GPC6: variants seen among roughly 807,000 people sequenced by gnomAD.
GPC6 encodes the protein glypican 6.
Under a neutral mutation model 55.2 loss-of-function variants are expected in GPC6, and 14 were observed. The ratio of observed to expected loss-of-function variants is 0.25; its 90% CI spans 0.17 to 0.40. The LOEUF is 0.40. GPC6 is among the 10% of genes least tolerant of loss of function. The pLI, the probability that GPC6 is intolerant of heterozygous loss-of-function variation, is 1.00. For synonymous variants in GPC6, 278 were observed against 259.6 expected, an observed-to-expected ratio of 1.07 and a Z score of -0.68; for missense variants, 641 against 708.5, an observed-to-expected ratio of 0.90 and a Z score of 1.08.
At chr13:93,445,897 C>G (rs558556656) in intron 1 of GPC6, among the ~76,000 whole-genome samples, 1 of 152,068 alleles carries the variant, frequency 6.6e-6, no homozygotes, top group Admixed American at 6.5e-5. Context: ...GAAAGCTATT[C>G]TTTTTAAAGA....
intron 4 of GPC6, among the ~76,000 whole-genome samples, chr13:94,255,817 T>C (rs1332683024): frequency 3.9e-5 from 6 of 152,096 alleles, no homozygotes; most frequent in Admixed American, 3.9e-4. Context: ...AAGAAATAAA[T>C]GCCCTGGATC....
At chr13:93,543,152 C>T (rs1882396884) in intron 1 of GPC6, among the ~76,000 whole-genome samples, 1 of 152,012 alleles carries the variant, frequency 6.6e-6, no homozygotes, top group Admixed American at 6.6e-5. Flanking sequence ...ATGATATTGG[C>T]TGTGGGTTTG....
intron 3 of GPC6, among the ~76,000 whole-genome samples, chr13:93,919,879 G>A (rs1196346607): frequency 6.6e-6 from 1 of 152,142 alleles, no homozygotes; most frequent in Non-Finnish European, 1.5e-5. Flanking sequence ...AGTGACTTGG[G>A]CTCTTTTCTT....
intron 3 of GPC6, among the ~76,000 whole-genome samples, chr13:93,845,986 AAAATAAAT>A (rs568390692): frequency 2.6e-5 from 4 of 151,972 alleles, no homozygotes; most frequent in African/African-American, 7.2e-5. Context: ...AGTATAATAA[AAAATAAAT>A]AAATAAATAA....
Position 93,231,349 on chromosome 13 carries a change from ATATATATATAC to A in GPC6, c.160+3734_160+3744del, listed in dbSNP as rs1566533292. 4.9e-3 allele frequency among the ~76,000 whole-genome samples: 151 copies of A among 30,694 alleles called. 3 individuals carry two copies. Among genetic ancestry groups the A allele is most frequent in the African/African-American group, 0.026 (137 of 5,356 alleles). The allele number at this position is 30,694 out of a possible 152,430, so 20.1% of individuals were successfully genotyped here. A position where few individuals can be genotyped will look rare whatever the true frequency, so the allele number is the denominator to read the frequency against. ...TATATACGTATATATATATATACATATATATATATACGTATATATATATATATATACATATA... is the reference window on the plus strand; with the variant it reads ...TATATACGTATATATATATATACATAGTATATATATATATATATACATATA... On this transcript the variant is annotated intron_variant, in intron 1 of 8. Coordinates refer to ENST00000377047, the MANE Select transcript of GPC6 (RefSeq NM_005708.5).
chr13:94,211,322 A>G lies in GPC6; in HGVS notation c.878-75027A>G, dbSNP rs553875243. ...ATACTGATTAGGGTATTTATTGGATACAATAACTAAGATTAAGTGCCTGAA... is the reference window on the plus strand; with the variant it reads ...ATACTGATTAGGGTATTTATTGGATGCAATAACTAAGATTAAGTGCCTGAA... On this transcript the variant is annotated intron_variant, in intron 4 of 8. Transcript: ENST00000377047. 2.0e-5 allele frequency among the ~76,000 whole-genome samples: 3 copies of G among 152,328 alleles called. No homozygotes were observed. The East Asian group carries it at 5.8e-4, about 29-fold the overall frequency.
chr13:94,008,685 T>A (rs1882119378), intron 3 of GPC6, among the ~76,000 whole-genome samples: 1 of 152,152 alleles, frequency 6.6e-6, no homozygotes, highest in South Asian at 2.1e-4. Flanking sequence ...TTGGAAAGGA[T>A]GCATTTGGTG....
intron 6 of GPC6, among the ~76,000 whole-genome samples, chr13:94,342,316 A>G (rs1878080384): frequency 6.6e-6 from 1 of 152,188 alleles, no homozygotes; most frequent in Non-Finnish European, 1.5e-5. Context: ...GATGTAACCA[A>G]TAGGTCGCAT....
At chr13:94,223,983 A>G (rs1238082026) in intron 4 of GPC6, among the ~76,000 whole-genome samples, 3 of 152,072 alleles carry the variant, frequency 2.0e-5, no homozygotes, top group Non-Finnish European at 4.4e-5. Context: ...CACTGTCAAC[A>G]AGTGTCCTTT....
chr13:94,278,159 G>C (rs985886758), intron 4 of GPC6, among the ~76,000 whole-genome samples: 4 of 152,126 alleles, frequency 2.6e-5, no homozygotes, highest in African/African-American at 9.7e-5. Context: ...CACATCCCTT[G>C]TTAGTTGTAT....
chr13:93,292,135 C>T (rs1878338628), intron 1 of GPC6, among the ~76,000 whole-genome samples: 1 of 152,138 alleles, frequency 6.6e-6, no homozygotes, highest in Admixed American at 6.6e-5. Flanking sequence ...CATTTTGTAG[C>T]AAACTTGCCA....
chr13:93,536,417 T>C (rs1566410266), intron 1 of GPC6, among the ~76,000 whole-genome samples: 1 of 152,098 alleles, frequency 6.6e-6, no homozygotes, highest in Non-Finnish European at 1.5e-5. Flanking sequence ...CAGCCCCAGG[T>C]AACCACCATT....
At chr13:93,714,424 C>T (rs1248259042) in intron 2 of GPC6, among the ~76,000 whole-genome samples, 1 of 151,814 alleles carries the variant, frequency 6.6e-6, no homozygotes, top group African/African-American at 2.4e-5. Context: ...ATTAAACAGT[C>T]AAAAGACAAC....
chr13:93,623,462 T>TTCTTTTTC (rs1566454944), intron 2 of GPC6, among the ~76,000 whole-genome samples: 1 of 141,440 alleles, frequency 7.1e-6, no homozygotes, highest in Non-Finnish European at 1.5e-5. Flanking sequence ...TTTCTTTTTT[T>TTCTTTTTC]TTTTTTTTTT....
chr13:93,519,945 G>T (rs943765437), intron 1 of GPC6, among the ~76,000 whole-genome samples: 4 of 151,904 alleles, frequency 2.6e-5, no homozygotes, highest in Admixed American at 6.6e-5. Context: ...ATTGAATTTT[G>T]TAATGAAACA....
At chr13:93,530,032 G>A (rs1220025382) in intron 1 of GPC6, among the ~76,000 whole-genome samples, 5 of 152,298 alleles carry the variant, frequency 3.3e-5, no homozygotes, top group Non-Finnish European at 2.9e-5. Flanking sequence ...CTAAAGCAGT[G>A]AGCACTGCAA....
At chr13:94,097,188 A>G (rs146917205) in intron 4 of GPC6, among the ~76,000 whole-genome samples, 19 of 152,236 alleles carry the variant, frequency 1.2e-4, no homozygotes, top group African/African-American at 4.3e-4. Context: ...AAAACAATGT[A>G]CAAATAAAGA....
intron 1 of GPC6, among the ~76,000 whole-genome samples, chr13:93,404,373 A>C (rs1422224921): frequency 6.6e-6 from 1 of 152,144 alleles, no homozygotes; most frequent in Non-Finnish European, 1.5e-5. Flanking sequence ...TAAATTCTGA[A>C]CTAGGCTTTT....
At chr13:93,462,347 T>A (rs577984505) in intron 1 of GPC6, among the ~76,000 whole-genome samples, 1 of 152,082 alleles carries the variant, frequency 6.6e-6, no homozygotes, top group Non-Finnish European at 1.5e-5. Flanking sequence ...TCACACCAAA[T>A]TACCAGTAAA....
Sources: gnomAD v4.1 joint callset for allele counts (sites outside exome capture counted in the v4.1 genomes callset) on GRCh38, gnomAD v4.1.1 for gene constraint, MANE v1.5 for transcripts, NCBI Gene and HGNC (gene_info 2026-07-23, HGNC 2026-07-21) for gene names.